The following IL1RAPL1 variants were observed in gnomAD, a reference collection of about 807,000 sequenced individuals.
IL1RAPL1 encodes interleukin 1 receptor accessory protein like 1.
IL1RAPL1 carries 3 observed loss-of-function variants against 48.4 expected under a neutral mutation model. That is an observed-to-expected ratio of 0.06 (90% CI 0.03 to 0.16). The LOEUF (loss-of-function observed/expected upper bound fraction) is 0.16. IL1RAPL1 is among the 10% of genes least tolerant of loss of function. The pLI, the probability that IL1RAPL1 is intolerant of heterozygous loss-of-function variation, is 1.00. For synonymous variants in IL1RAPL1, 185 were observed against 187.7 expected, an observed-to-expected ratio of 0.99 and a Z score of 0.12; for missense variants, 349 against 530.6, an observed-to-expected ratio of 0.66 and a Z score of 3.36.
chrX:29,217,013 A>T (rs1401877665), intron 2 of IL1RAPL1, among the ~76,000 whole-genome samples: 2 of 111,555 alleles, frequency 1.8e-5, no homozygotes, highest in Non-Finnish European at 3.8e-5. Context: ...GAAAAGCCTT[A>T]TGGTAGTCAT....
chrX:29,683,460 C>G (rs993469423), intron 6 of IL1RAPL1, among the ~76,000 whole-genome samples: 6 of 111,994 alleles, frequency 5.4e-5, no homozygotes, highest in African/African-American at 1.9e-4. Context: ...CTTAATTTAT[C>G]TTTGCTTTGA....
intron 6 of IL1RAPL1, among the ~76,000 whole-genome samples, chrX:29,813,001 TC>T (rs1930410792): frequency 1.8e-5 from 2 of 111,428 alleles, no homozygotes; most frequent in African/African-American, 6.5e-5. Flanking sequence ...TTCTCTAGAC[TC>T]CCCGTGCCCT....
chrX:29,211,277 A>C (rs1930764842), intron 2 of IL1RAPL1, among the ~76,000 whole-genome samples: 1 of 112,167 alleles, frequency 8.9e-6, no homozygotes, highest in Non-Finnish European at 1.9e-5. Context: ...GTTTGTATAG[A>C]GTGAGCATCT....
intron 5 of IL1RAPL1, among the ~76,000 whole-genome samples, chrX:29,591,570 G>T (rs779994887): frequency 8.9e-6 from 1 of 112,025 alleles, no homozygotes; most frequent in African/African-American, 3.2e-5. Context: ...TTCTTCCTCT[G>T]CCGGGCACTC....
At chrX:28,926,256 C>G (rs1410959455) in intron 2 of IL1RAPL1, among the ~76,000 whole-genome samples, 1 of 111,992 alleles carries the variant, frequency 8.9e-6, no homozygotes, top group Non-Finnish European at 1.9e-5. Context: ...TTGTTCTCAA[C>G]TGTTCATCTC....
rs374268226 is a variant in IL1RAPL1 at position 29,753,549 on chromosome X, ATTAT to A, written c.778+85048_778+85051del. 1.1e-3 allele frequency among the ~76,000 whole-genome samples: 119 copies of A among 112,241 alleles called. 1 individual carries two copies. The highest frequency in any genetic ancestry group is 3.5e-3 in the African/African-American group (109 of 30,975). On this transcript the variant is annotated intron_variant, in intron 6 of 10. Coordinates refer to ENST00000378993, the MANE Select transcript of IL1RAPL1 (RefSeq NM_014271.4). ...CTACCATATTTCTCTCCCACTGAGA[ATTAT>A]TTGTTATCTAATATCACTTATAGAC... is the stretch of plus-strand genomic sequence containing the variant.
chrX:29,284,016 C>T lies in IL1RAPL1; in HGVS notation c.362+799C>T, dbSNP rs926290183. ...TGTCATTGGACTATTAGAACATTAGCGAAGCTGGGTATAGTCATATAGAGG... is the reference window on the plus strand; with the variant it reads ...TGTCATTGGACTATTAGAACATTAGTGAAGCTGGGTATAGTCATATAGAGG... On this transcript the variant is annotated intron_variant, in intron 3 of 10. Transcript: ENST00000378993. 3.6e-5 allele frequency among the ~76,000 whole-genome samples: 4 copies of T among 112,572 alleles called. No homozygotes were observed. In the East Asian group the frequency reaches 1.1e-3, roughly 31 times the overall value.
intron 5 of IL1RAPL1, among the ~76,000 whole-genome samples, chrX:29,649,742 C>T (rs1351071032): frequency 1.8e-5 from 2 of 110,696 alleles, no homozygotes; most frequent in African/African-American, 6.6e-5. Context: ...CAACATAGTA[C>T]TAGAAATCCT....
intron 2 of IL1RAPL1, among the ~76,000 whole-genome samples, chrX:28,976,410 A>G (rs1327072968): frequency 8.9e-6 from 1 of 111,944 alleles, no homozygotes; most frequent in Admixed American, 9.5e-5. Context: ...TATATATGTG[A>G]AAGAGTCAAG....
intron 6 of IL1RAPL1, among the ~76,000 whole-genome samples, chrX:29,907,998 T>C (rs997947518): frequency 9.0e-6 from 1 of 111,406 alleles, no homozygotes; most frequent in Non-Finnish European, 1.9e-5. Flanking sequence ...TAAAAATCAG[T>C]GTCTCTTAGA....
intron 1 of IL1RAPL1, among the ~76,000 whole-genome samples, chrX:28,607,261 A>G (rs1486553762): frequency 9.0e-6 from 1 of 110,910 alleles, no homozygotes; most frequent in African/African-American, 3.3e-5. Context: ...TATTCTGTAG[A>G]TCTGACTGTA....
chrX:28,855,014 T>C (rs1470763221), intron 2 of IL1RAPL1, among the ~76,000 whole-genome samples: 2 of 106,756 alleles, frequency 1.9e-5, no homozygotes, highest in Non-Finnish European at 3.9e-5. Context: ...AGCATCTTTT[T>C]TGTTTGTTTA....
intron 1 of IL1RAPL1, among the ~76,000 whole-genome samples, chrX:28,737,271 T>C (rs370761336): frequency 4.4e-5 from 3 of 68,558 alleles, no homozygotes; most frequent in African/African-American, 1.9e-4. Context: ...TTCTTTCTTT[T>C]TTTGAGATAG....
intron 5 of IL1RAPL1, among the ~76,000 whole-genome samples, chrX:29,558,222 G>A (rs1922069639): frequency 9.0e-6 from 1 of 111,588 alleles, no homozygotes; most frequent in South Asian, 3.7e-4. Context: ...TTTGATAATA[G>A]CCATTGTAAC....
intron 1 of IL1RAPL1, among the ~76,000 whole-genome samples, chrX:28,721,445 GT>G (rs1391414388): frequency 6.3e-5 from 7 of 111,538 alleles, no homozygotes; most frequent in Admixed American, 3.8e-4. Flanking sequence ...GGGGTTGTTT[GT>G]TTTTTTCTTG....
chrX:29,803,093 A>T lies in IL1RAPL1; in HGVS notation c.779-114371A>T, dbSNP rs188790865. On this transcript the variant is annotated intron_variant, in intron 6 of 10. Coordinates refer to ENST00000378993, the MANE Select transcript of IL1RAPL1 (RefSeq NM_014271.4). ...CATGTATACATATATGTGTATATGTATACATGTATACATATATGTATATAT... is the reference window on the plus strand; with the variant it reads ...CATGTATACATATATGTGTATATGTTTACATGTATACATATATGTATATAT... 8.6e-3 allele frequency among the ~76,000 whole-genome samples: 783 copies of T among 90,875 alleles called. 12 individuals carry two copies. The highest frequency in any genetic ancestry group is 0.018 in the Middle Eastern group (1 of 56). The allele number at this position is 90,875 out of a possible 115,157, so 78.9% of individuals were successfully genotyped here.
At chrX:29,006,533 C>A (rs944666687) in intron 2 of IL1RAPL1, among the ~76,000 whole-genome samples, 1 of 106,810 alleles carries the variant, frequency 9.4e-6, no homozygotes, top group Admixed American at 1.0e-4. Flanking sequence ...AAAAAAAAAT[C>A]CCACACCTCC....
chrX:29,160,800 T>TC (rs1408522332), intron 2 of IL1RAPL1, among the ~76,000 whole-genome samples: 4 of 112,360 alleles, frequency 3.6e-5, no homozygotes, highest in Non-Finnish European at 7.5e-5. Context: ...ATGCCTGTCA[T>TC]CCCAGCACTT....
At chrX:29,528,554 G>A (rs999352585) in intron 5 of IL1RAPL1, among the ~76,000 whole-genome samples, 3 of 111,979 alleles carry the variant, frequency 2.7e-5, no homozygotes, top group African/African-American at 9.7e-5. Context: ...TTCAGTTTCT[G>A]TTGGACAGAA....
Sources: gnomAD v4.1 joint callset for allele counts (sites outside exome capture counted in the v4.1 genomes callset) on GRCh38, gnomAD v4.1.1 for gene constraint, MANE v1.5 for transcripts, NCBI Gene and HGNC (gene_info 2026-07-23, HGNC 2026-07-21) for gene names.